Variants in STK32B observed in about 807,000 individuals in gnomAD.
STK32B encodes the protein serine/threonine kinase 32B, also known as serine/threonine-protein kinase 32B.
In STK32B, 43 loss-of-function variants were observed where a neutral mutation model predicts 52.6. That is an observed-to-expected ratio of 0.82 (90% CI 0.64 to 1.05). The LOEUF (loss-of-function observed/expected upper bound fraction) is 1.05, where lower values mean the gene tolerates loss of function less well. STK32B is among the 50% of genes least tolerant of loss of function. STK32B has a pLI of 0.00. For missense variants in STK32B, 621 were observed against 534.6 expected (o/e 1.16, Z -1.59); for synonymous variants, 238 against 204.3 (o/e 1.17, Z -1.41).
chr4:5,489,832 A>T (rs1266515631), intron 11 of STK32B, among the ~76,000 whole-genome samples: 1 of 152,158 alleles, frequency 6.6e-6, no homozygotes, highest in Non-Finnish European at 1.5e-5. Flanking sequence ...ATTTATTGAA[A>T]TCAATCAAAA....
At chr4:5,171,026 G>C (rs1023457004) in intron 3 of STK32B, among the ~76,000 whole-genome samples, 2 of 152,200 alleles carry the variant, frequency 1.3e-5, no homozygotes, top group African/African-American at 4.8e-5. Flanking sequence ...GTATCTCATT[G>C]TGGTTTTGAT....
At chr4:5,347,530 C>A (rs1169881552) in intron 4 of STK32B, among the ~76,000 whole-genome samples, 1 of 152,086 alleles carries the variant, frequency 6.6e-6, no homozygotes, top group Non-Finnish European at 1.5e-5. Flanking sequence ...ACTCAAAGAG[C>A]CTTAAAACTG....
intron 1 of STK32B, among the ~76,000 whole-genome samples, chr4:5,072,167 T>G (rs1711823899): frequency 6.6e-6 from 1 of 152,202 alleles, no homozygotes; most frequent in Admixed American, 6.5e-5. Flanking sequence ...TAATAGTTAT[T>G]TAAAATACCA....
chr4:5,173,710 T>C (rs1226778061), intron 3 of STK32B, among the ~76,000 whole-genome samples: 2 of 151,868 alleles, frequency 1.3e-5, no homozygotes, highest in South Asian at 4.2e-4. Flanking sequence ...TGCTGAGGAG[T>C]GCTTTACTTC....
intron 3 of STK32B, among the ~76,000 whole-genome samples, chr4:5,284,380 G>A (rs1297460858): frequency 6.6e-6 from 1 of 152,066 alleles, no homozygotes; most frequent in Non-Finnish European, 1.5e-5. Flanking sequence ...GACTTAGGCA[G>A]CAATAATAGA....
At chr4:5,151,477 C>G (rs929462359) in intron 2 of STK32B, among the ~76,000 whole-genome samples, 6 of 152,170 alleles carry the variant, frequency 3.9e-5, no homozygotes, top group Admixed American at 2.6e-4. Flanking sequence ...TGATAATAGC[C>G]TTGGTTATCA....
chr4:5,223,539 C>T lies in STK32B; in HGVS notation c.260+55089C>T, dbSNP rs182381621. Among the ~76,000 whole-genome samples the T allele has an allele frequency of 1.1e-3, 175 of 152,230 alleles. No homozygotes were observed. The Middle Eastern group carries it at 0.014, about 12-fold the overall frequency. On this transcript the variant is annotated intron_variant, in intron 3 of 11. Coordinates refer to ENST00000282908, the MANE Select transcript of STK32B (RefSeq NM_018401.3). ...TCAAAGAAGATTATTCTCAGCCAGG[C>T]GCGGTGGCTCACACCTGTAATCCCA...
At chr4:5,429,864 G>A (rs1713423188) in intron 6 of STK32B, among the ~76,000 whole-genome samples, 1 of 151,994 alleles carries the variant, frequency 6.6e-6, no homozygotes, top group Non-Finnish European at 1.5e-5. Context: ...TGGGTTAAGA[G>A]GGTGGTTTTT....
chr4:5,315,463 A>G (rs1577331346), intron 3 of STK32B, among the ~76,000 whole-genome samples: 2 of 152,186 alleles, frequency 1.3e-5, no homozygotes, highest in Admixed American at 1.3e-4. Context: ...CACTGCTTCA[A>G]GTAATTAATA....
chr4:5,438,178 C>T, intron 6 of STK32B: 1 of 966,770 alleles, frequency 1.0e-6, no homozygotes, highest in Non-Finnish European at 1.2e-6. Context: ...GAAGGGACTC[C>T]TTTTCTCTCA....
intron 4 of STK32B, among the ~76,000 whole-genome samples, chr4:5,343,101 TC>T (rs1733200046): frequency 1.7e-5 from 1 of 57,710 alleles, no homozygotes; most frequent in Non-Finnish European, 3.5e-5. Context: ...CCCTCCCCCC[TC>T]CCCCACCCCA....
At chr4:5,401,820 C>T (rs550982783) in intron 5 of STK32B, among the ~76,000 whole-genome samples, 1 of 152,268 alleles carries the variant, frequency 6.6e-6, no homozygotes, top group Admixed American at 6.5e-5. Context: ...ATCGCATAAA[C>T]AAAAAACATC....
At chr4:5,280,742 C>A (rs781612247) in intron 3 of STK32B, among the ~76,000 whole-genome samples, 4 of 151,586 alleles carry the variant, frequency 2.6e-5, no homozygotes, top group Non-Finnish European at 4.4e-5. Context: ...TAAAAACACA[C>A]AAAAAAATTA....
chr4:5,295,142 T>A (rs1369283095), intron 3 of STK32B, among the ~76,000 whole-genome samples: 1 of 152,194 alleles, frequency 6.6e-6, no homozygotes, highest in Non-Finnish European at 1.5e-5. Flanking sequence ...TTGTGGTGGA[T>A]AAGCTTTTTG....
At chr4:5,020,333 TG>T in the STK32B span, among the ~76,000 whole-genome samples, 1 of 152,120 alleles carries the variant, frequency 6.6e-6, no homozygotes, top group African/African-American at 2.4e-5. Flanking sequence ...TCCTTATCTG[TG>T]AGATGAGGCT....
At chr4:5,044,898 G>A in the STK32B span, among the ~76,000 whole-genome samples, 2 of 152,144 alleles carry the variant, frequency 1.3e-5, no homozygotes, top group South Asian at 4.2e-4. Context: ...GTGACAGAGT[G>A]AGATCCTGTC....
intron 2 of STK32B, among the ~76,000 whole-genome samples, chr4:5,149,343 C>T (rs927976785): frequency 2.0e-4 from 30 of 151,826 alleles, no homozygotes; most frequent in Admixed American, 8.5e-4. Flanking sequence ...GCTCATGTAA[C>T]GGTTTGATTT....
At chr4:5,263,643 A>G (rs1466264579) in intron 3 of STK32B, among the ~76,000 whole-genome samples, 2 of 152,120 alleles carry the variant, frequency 1.3e-5, no homozygotes, top group African/African-American at 4.8e-5. Flanking sequence ...CTTTTCCCTA[A>G]ACAGTATTTT....
intron 1 of STK32B, among the ~76,000 whole-genome samples, chr4:5,121,885 A>C (rs527361823): frequency 1.4e-4 from 21 of 152,334 alleles, no homozygotes; most frequent in African/African-American, 5.1e-4. Flanking sequence ...GCTGCCAGCC[A>C]CAAGTGAGGG....
Sources: allele counts gnomAD v4.1 joint callset (sites outside exome capture counted in the v4.1 genomes callset), GRCh38; gene constraint gnomAD v4.1.1; transcripts MANE v1.5; gene names NCBI Gene and HGNC (gene_info 2026-07-23, HGNC 2026-07-21).